TMEM108: variants seen among roughly 807,000 people sequenced by gnomAD.
TMEM108 encodes the protein transmembrane protein 108.
TMEM108 carries 12 observed loss-of-function variants against 35.1 expected under a neutral mutation model. The ratio of observed to expected loss-of-function variants is 0.34; its 90% CI spans 0.22 to 0.55. TMEM108 has a LOEUF of 0.55. Among genes scored for constraint, TMEM108 ranks in the 20% least tolerant of loss-of-function variants. The pLI is 0.89. For synonymous variants in TMEM108, 287 were observed against 308.6 expected, an observed-to-expected ratio of 0.93 and a Z score of 0.73; for missense variants, 680 against 753.3, an observed-to-expected ratio of 0.90 and a Z score of 1.14.
At chr3:133,093,233 C>T (rs1255312819) in intron 2 of TMEM108, among the ~76,000 whole-genome samples, 1 of 152,154 alleles carries the variant, frequency 6.6e-6, no homozygotes, top group Non-Finnish European at 1.5e-5. Context: ...TCAAGCAATC[C>T]ACCTGCCTTG....
At chr3:133,056,691 C>T (rs1465491970) in intron 2 of TMEM108, among the ~76,000 whole-genome samples, 2 of 152,128 alleles carry the variant, frequency 1.3e-5, no homozygotes, top group Non-Finnish European at 2.9e-5. Context: ...GGACCTAATC[C>T]TATCAGTGAG....
intron 2 of TMEM108, among the ~76,000 whole-genome samples, chr3:133,221,408 T>C (rs1945988281): frequency 6.6e-6 from 1 of 152,152 alleles, no homozygotes; most frequent in South Asian, 2.1e-4. Context: ...CAGGAACTGG[T>C]GCCAAGACCA....
intron 2 of TMEM108, among the ~76,000 whole-genome samples, chr3:133,095,191 C>G (rs1943997619): frequency 6.6e-6 from 1 of 152,096 alleles, no homozygotes; most frequent in Non-Finnish European, 1.5e-5. Flanking sequence ...AAAGAGATGA[C>G]TCTTTAGTTC....
intron 3 of TMEM108, among the ~76,000 whole-genome samples, chr3:133,377,581 G>A (rs1050905383): frequency 1.3e-5 from 2 of 152,184 alleles, no homozygotes; most frequent in Admixed American, 6.5e-5. Context: ...TCAATTTCAT[G>A]CTCCACCAAG....
chr3:133,082,350 G>C (rs2107698926), intron 2 of TMEM108, among the ~76,000 whole-genome samples: 1 of 152,330 alleles, frequency 6.6e-6, no homozygotes, highest in African/African-American at 2.4e-5. Flanking sequence ...GGTGGCAAAG[G>C]AACCTGAATT....
intron 2 of TMEM108, among the ~76,000 whole-genome samples, chr3:133,223,630 G>A (rs1946024585): frequency 6.6e-6 from 1 of 152,202 alleles, no homozygotes; most frequent in South Asian, 2.1e-4. Context: ...ATCTAACTGT[G>A]GCTTGCCATC....
chr3:133,099,183 A>T (rs908480683), intron 2 of TMEM108, among the ~76,000 whole-genome samples: 6 of 152,224 alleles, frequency 3.9e-5, no homozygotes, highest in African/African-American at 1.4e-4. Flanking sequence ...CACCACATGG[A>T]AGCTGCCAAG....
At chr3:133,385,743 CAA>C (rs1464874366) in intron 4 of TMEM108, among the ~76,000 whole-genome samples, 3 of 152,216 alleles carry the variant, frequency 2.0e-5, no homozygotes, top group Non-Finnish European at 4.4e-5. Context: ...CTTGTGGAAT[CAA>C]ACATACCTGC....
In TMEM108 at chr3:133,073,510, C is replaced by CTCTCTCTCTCTCTA; in HGVS notation, c.-47+27491_-47+27492insCTCTCTCTCTCTAT. On this transcript the variant is annotated intron_variant, in intron 2 of 5. Coordinates refer to ENST00000321871, the MANE Select transcript of TMEM108 (RefSeq NM_023943.4). ...TCTCTCTCTCTCTCTCTCTCTCTCT[C>CTCTCTCTCTCTCTA]TATATATATATATATATATATATAT... 7.4e-3 allele frequency among the ~76,000 whole-genome samples: 325 copies of CTCTCTCTCTCTCTA among 43,866 alleles called. 3 individuals are homozygous for CTCTCTCTCTCTCTA. Among genetic ancestry groups the CTCTCTCTCTCTCTA allele is most frequent in the Middle Eastern group, 0.016 (1 of 64 alleles). The allele number at this position is 43,866 out of a possible 152,430, so 28.8% of individuals were successfully genotyped here.
At chr3:133,157,269 A>G (rs572623028) in intron 2 of TMEM108, among the ~76,000 whole-genome samples, 1 of 152,366 alleles carries the variant, frequency 6.6e-6, no homozygotes, top group Non-Finnish European at 1.5e-5. Context: ...AGGTATCTAC[A>G]GACCAGGACT....
intron 2 of TMEM108, among the ~76,000 whole-genome samples, chr3:133,075,561 GTT>G (rs1943728890): frequency 6.6e-6 from 1 of 152,154 alleles, no homozygotes; most frequent in Non-Finnish European, 1.5e-5. Context: ...ACCATCACTA[GTT>G]TTCTGTTGTT....
intron 2 of TMEM108, among the ~76,000 whole-genome samples, chr3:133,069,328 T>C (rs1343786566): frequency 1.3e-5 from 2 of 152,198 alleles, no homozygotes; most frequent in Non-Finnish European, 2.9e-5. Flanking sequence ...ATTGGGTCTT[T>C]ACATAAGAGA....
At chr3:133,150,342 G>GTTTTTTTTTTTTTTTT (rs10663538) in intron 2 of TMEM108, among the ~76,000 whole-genome samples, 6 of 109,678 alleles carry the variant, frequency 5.5e-5, no homozygotes, top group African/African-American at 1.5e-4. Context: ...AGGTTATTTG[G>GTTTTTTTTTTTTTTTT]TTTTTTTTTT....
chr3:133,274,421 G>A (rs1440154914), intron 3 of TMEM108, among the ~76,000 whole-genome samples: 1 of 152,174 alleles, frequency 6.6e-6, no homozygotes, highest in Non-Finnish European at 1.5e-5. Flanking sequence ...ACTTCTGCAT[G>A]CACAGTGCCT....
chr3:133,349,463 A>G (rs553474862), intron 3 of TMEM108, among the ~76,000 whole-genome samples: 1 of 152,286 alleles, frequency 6.6e-6, no homozygotes, highest in African/African-American at 2.4e-5. Context: ...ATTACATGAA[A>G]CTAATAAACA....
intron 2 of TMEM108, among the ~76,000 whole-genome samples, chr3:133,135,529 G>C (rs1300660344): frequency 6.6e-6 from 1 of 152,188 alleles, no homozygotes; most frequent in Admixed American, 6.5e-5. Context: ...ATGGTGGGCT[G>C]TGACGAGCCT....
intron 4 of TMEM108, chr3:133,386,361 T>C (rs1359964649): frequency 1.3e-6 from 2 of 1,529,656 alleles, no homozygotes; most frequent in South Asian, 1.2e-5. Context: ...AATTCAATAG[T>C]TGTTTGAAAG....
At chr3:133,181,008 T>TAAAAAAAAAAAAAAAAAAAAAAAAA (rs369228472) in intron 2 of TMEM108, among the ~76,000 whole-genome samples, 7 of 75,866 alleles carry the variant, frequency 9.2e-5, no homozygotes, top group South Asian at 5.7e-4. Flanking sequence ...GCAGTTGTGT[T>TAAAAAAAAAAAAAAAAAAAAAAAAA]AAAAAAAAAA....
chr3:133,358,429 C>G (rs771523860), intron 3 of TMEM108, among the ~76,000 whole-genome samples: 7 of 152,154 alleles, frequency 4.6e-5, no homozygotes, highest in Non-Finnish European at 8.8e-5. Flanking sequence ...CTTAGCCTCC[C>G]AAAGTCCTGG....
Sources: allele counts gnomAD v4.1 joint callset (sites outside exome capture counted in the v4.1 genomes callset), GRCh38; gene constraint gnomAD v4.1.1; transcripts MANE v1.5; gene names NCBI Gene and HGNC (gene_info 2026-07-23, HGNC 2026-07-21).